Variants in ZEB1 observed in about 807,000 individuals in gnomAD.
ZEB1 encodes zinc finger E-box binding homeobox 1.
Under a neutral mutation model 84.9 loss-of-function variants are expected in ZEB1, and 21 were observed. That is an observed-to-expected ratio of 0.25 (90% CI 0.18 to 0.36). ZEB1 has a LOEUF of 0.36. ZEB1 is among the 10% of genes least tolerant of loss of function. The pLI is 1.00. For missense variants in ZEB1, 1,104 were observed against 1,330.2 expected, an observed-to-expected ratio of 0.83 and a Z score of 2.65; for synonymous variants, 420 against 471.1, an observed-to-expected ratio of 0.89 and a Z score of 1.41.
intron 4 of ZEB1, among the ~76,000 whole-genome samples, chr10:31,508,240 C>T (rs1012316239): frequency 6.6e-5 from 10 of 152,104 alleles, no homozygotes; most frequent in African/African-American, 2.2e-4. Context: ...CTTGTGTTAG[C>T]AGGTCCAGTT....
intron 1 of ZEB1, among the ~76,000 whole-genome samples, chr10:31,456,484 T>C (rs539243020): frequency 5.9e-5 from 9 of 152,306 alleles, no homozygotes; most frequent in Non-Finnish European, 7.4e-5. Flanking sequence ...TAAAATTGTT[T>C]AGTCATTAGA....
At position 31,521,133 on chromosome 10, in the gene ZEB1, T is replaced by G; in HGVS notation, c.1801T>G (p.Tyr601Asp). 6.2e-7 allele frequency: 1 copy of G among 1,614,048 alleles called. No homozygotes were observed. The highest frequency in any genetic ancestry group is 8.5e-7 in the Non-Finnish European group (1 of 1,180,010). The change falls in exon 7 of 9, where the codon TAT (tyrosine) becomes GAT (aspartate). Residue 601 changes from tyrosine to aspartate, a missense_variant. By Grantham distance (160) the Tyr-to-Asp change is radical (BLOSUM62 -3). Coordinates refer to ENST00000424869, the MANE Select transcript of ZEB1 (RefSeq NM_001174096.2). ...KNLLSLLKAY[Y>D]ALNAQPSAEE... Reference sequence around the variant, plus strand: ...CCTCTTGTCTCTCCTAAAAGCATATTATGCTTTGAATGCACAACCAAGTGC... The same window carrying G: ...CCTCTTGTCTCTCCTAAAAGCATATGATGCTTTGAATGCACAACCAAGTGC...
intron 1 of ZEB1, among the ~76,000 whole-genome samples, chr10:31,391,231 TTG>T (rs780805467): frequency 0.079 from 10,685 of 134,612 alleles, 383 homozygotes; most frequent in Admixed American, 0.11. Flanking sequence ...ACAGGTAAGT[TTG>T]TGTGTGTGTG....
In ZEB1 at chr10:31,469,139, A is replaced by G. The variant is rs548318108; in HGVS notation, c.259+7902A>G. ...ACTTCAAAACACTGTTGAAAGCCTTAACAATAGACTAGACAAACCAGAAGA... is the reference window on the plus strand; with the variant it reads ...ACTTCAAAACACTGTTGAAAGCCTTGACAATAGACTAGACAAACCAGAAGA... On this transcript the variant is annotated intron_variant, in intron 2 of 8. Transcript: ENST00000424869. 2.0e-5 allele frequency among the ~76,000 whole-genome samples: 3 copies of G among 152,360 alleles called. No individual in the cohort carries two copies. In the East Asian group the frequency reaches 5.8e-4, roughly 29 times the overall value.
chr10:31,527,114 A>G lies in ZEB1; in HGVS notation c.3228A>G (p.Glu1076=), dbSNP rs1344627264. Residue 1076 remains glutamate (E), a synonymous_variant, in exon 9 of 9, where the codon GAA becomes GAG. Transcript: ENST00000424869. ...AGGAGGAGGAAGAAGTGGAAGAAGA[A>G]GAGGTAGAAGAGGCAGAGAATGAGG... ...EEEEEEEVEE[E]EVEEAENEGE... 1.9e-6 allele frequency: 3 copies of G among 1,603,634 alleles called. No homozygotes were observed. The highest frequency in any genetic ancestry group is 1.6e-4 in the Middle Eastern group (1 of 6,080).
intron 2 of ZEB1, among the ~76,000 whole-genome samples, chr10:31,477,228 A>G (rs567923329): frequency 6.6e-5 from 10 of 152,200 alleles, no homozygotes; most frequent in African/African-American, 1.7e-4. Flanking sequence ...ATGTACATAA[A>G]CCAGTAGCAT....
At chr10:31,435,463 C>T (rs1430800596) in intron 1 of ZEB1, among the ~76,000 whole-genome samples, 1 of 152,188 alleles carries the variant, frequency 6.6e-6, no homozygotes, top group Non-Finnish European at 1.5e-5. Flanking sequence ...AAGATAATTA[C>T]AAACTACGAT....
chr10:31,472,893 G>C (rs1219600271), intron 2 of ZEB1, among the ~76,000 whole-genome samples: 5 of 125,830 alleles, frequency 4.0e-5, no homozygotes, highest in African/African-American at 1.0e-4. Context: ...GGGATGCAAG[G>C]CTGGTTCAAT....
intron 1 of ZEB1, among the ~76,000 whole-genome samples, chr10:31,381,055 C>T (rs951435026): frequency 1.3e-5 from 2 of 152,088 alleles, no homozygotes; most frequent in African/African-American, 2.4e-5. Context: ...TATCATCTAA[C>T]CAAAGCTGTA....
intron 1 of ZEB1, chr10:31,387,846 T>C (rs2048903321): frequency 1.2e-6 from 1 of 821,232 alleles, no homozygotes; most frequent in Non-Finnish European, 1.5e-6. Flanking sequence ...TGAAAAATAT[T>C]ACTTAAAACT....
At chr10:31,414,546 A>T (rs775656912) in intron 1 of ZEB1, among the ~76,000 whole-genome samples, 3 of 152,216 alleles carry the variant, frequency 2.0e-5, no homozygotes. Flanking sequence ...ACTACATGCA[A>T]CTGATTATAG....
chr10:31,439,154 G>A (rs984802768), intron 1 of ZEB1, among the ~76,000 whole-genome samples: 1 of 152,116 alleles, frequency 6.6e-6, no homozygotes, highest in Non-Finnish European at 1.5e-5. Flanking sequence ...CACATGTATA[G>A]TATGGATACT....
intron 1 of ZEB1, chr10:31,319,518 G>C (rs1313599246): frequency 3.6e-6 from 2 of 563,326 alleles, no homozygotes; most frequent in South Asian, 4.3e-5. Flanking sequence ...CTCTTACCTG[G>C]TCTCTCTCCG....
At chr10:31,400,626 AT>A (rs572482426) in intron 1 of ZEB1, among the ~76,000 whole-genome samples, 3 of 152,038 alleles carry the variant, frequency 2.0e-5, no homozygotes, top group African/African-American at 4.8e-5. Flanking sequence ...TACAGTAGGA[AT>A]TTTTTTACAA....
At chr10:31,361,323 G>T (rs2043027406) in intron 1 of ZEB1, 1 of 1,083,660 alleles carries the variant, frequency 9.2e-7, no homozygotes, top group South Asian at 1.3e-5. Context: ...CTCCTGAGTA[G>T]CTGGGACTAC....
chr10:31,328,126 A>T (rs574469212), intron 1 of ZEB1, among the ~76,000 whole-genome samples: 327 of 152,274 alleles, frequency 2.1e-3, no homozygotes, highest in Middle Eastern at 0.01. Flanking sequence ...TTCCTAATCT[A>T]TAGATTATAA....
At chr10:31,426,695 T>A (rs1373510346) in intron 1 of ZEB1, among the ~76,000 whole-genome samples, 1 of 152,124 alleles carries the variant, frequency 6.6e-6, no homozygotes, top group African/African-American at 2.4e-5. Flanking sequence ...TATAGTGCCT[T>A]TACAACAGAA....
intron 1 of ZEB1, among the ~76,000 whole-genome samples, chr10:31,407,300 G>A (rs2135650415): frequency 7.4e-6 from 1 of 134,620 alleles, no homozygotes; most frequent in East Asian, 2.2e-4. Flanking sequence ...CTGTGTCCAT[G>A]TGTTCTCATT....
chr10:31,422,540 A>G (rs558535263), intron 1 of ZEB1, among the ~76,000 whole-genome samples: 4 of 152,312 alleles, frequency 2.6e-5, no homozygotes, highest in African/African-American at 9.6e-5. Context: ...CAGTAAAATT[A>G]AACTGTTGAG....
Sources: gnomAD v4.1 joint callset for allele counts (sites outside exome capture counted in the v4.1 genomes callset) on GRCh38, gnomAD v4.1.1 for gene constraint, MANE v1.5 for transcripts, NCBI Gene and HGNC (gene_info 2026-07-23, HGNC 2026-07-21) for gene names.